AHNAK2: variants seen among roughly 807,000 people sequenced by gnomAD.
AHNAK2 encodes the protein protein AHNAK2.
AHNAK2 carries 18 observed loss-of-function variants against 30.7 expected under a neutral mutation model. The ratio of observed to expected loss-of-function variants is 0.59; its 90% CI spans 0.41 to 0.87. AHNAK2 has a LOEUF of 0.87. Among genes scored for constraint, AHNAK2 ranks in the 40% least tolerant of loss-of-function variants. The pLI, the probability that AHNAK2 is intolerant of heterozygous loss-of-function variation, is 0.00. For missense variants in AHNAK2, 8,604 were observed against 7,373.0 expected, an observed-to-expected ratio of 1.17 and a Z score of -6.11; for synonymous variants, 3,590 against 3,073.8, an observed-to-expected ratio of 1.17 and a Z score of -5.56.
rs776889394 is a variant in AHNAK2, at chr14:104,938,474, A to G, written c.16977T>C (p.Asp5659=). ...CATTTTTGGAATCAACACCTGTCTC[A>G]TCAACAGAAGAGGAAAACCCAATGT... ...LPNIGFSSSV[D]ETGVDSKNDV... The change falls in exon 7 of 7, where the codon GAT becomes GAC. Residue 5659 remains aspartate (D), a synonymous_variant. Transcript: ENST00000333244. 53 of 1,613,628 alleles carry G rather than the reference A, an allele frequency of 3.3e-5. 1 individual carries two copies. The highest frequency in any genetic ancestry group is 4.3e-5 in the Non-Finnish European group (51 of 1,179,728).
At position 104,945,275 on chromosome 14, in the gene AHNAK2, G is replaced by A. The variant is rs1185077099; in HGVS notation, c.10176C>T (p.Pro3392=). Residue 3392 remains proline, a synonymous_variant, in exon 7 of 7, where the codon CCC becomes CCT. Coordinates refer to ENST00000333244, the MANE Select transcript of AHNAK2 (RefSeq NM_138420.4). ...PEGAGLKGHL[P]KVEMPSFKMP... ...TCTTGAAACTGGGCATCTCCACCTT[G>A]GGCAGGTGCCCTTTGAGGCCAGCTC... 6.2e-7 allele frequency: 1 copy of A among 1,612,818 alleles called. No homozygotes were observed. The highest frequency in any genetic ancestry group is 2.2e-5 in the East Asian group (1 of 44,776).
intron 1 of AHNAK2, among the ~76,000 whole-genome samples, chr14:104,971,762 A>G (rs1352599392): frequency 3.9e-5 from 6 of 152,220 alleles, no homozygotes; most frequent in Non-Finnish European, 8.8e-5. Context: ...GCAGGACTCA[A>G]CCAGCTGTGC....
intron 1 of AHNAK2, among the ~76,000 whole-genome samples, chr14:104,968,796 TCA>T (rs1240021368): frequency 1.3e-5 from 2 of 152,188 alleles, no homozygotes; most frequent in Non-Finnish European, 2.9e-5. Context: ...ACGTGTGTGC[TCA>T]CAGGATGTAC....
rs904394226 is a variant in AHNAK2, at chr14:104,940,908, G to A, written c.14543C>T (p.Pro4848Leu). The stretch of plus-strand genomic sequence containing the variant: ...AGAAACAGGAATCATGGAATTCAGT[G>A]GGCCAGAGTGACTCTCAGCTTGAGA... ...PTSQAESHSG[P>L]LNSMIPVSLG... Residue 4848 changes from proline to leucine, a missense_variant, in exon 7 of 7, where the codon CCA becomes CTA. Physicochemically the swap from Pro to Leu is moderately conservative, Grantham distance 98 (BLOSUM62 -3). Transcript: ENST00000333244. This position sits in a 1 kb window ranked among gnomAD's most constrained non-coding sequence, Gnocchi z 4.4. 12 of 1,612,414 alleles carry A rather than the reference G, an allele frequency of 7.4e-6. No individual in the cohort carries two copies. Among genetic ancestry groups the A allele is most frequent in the Admixed American group, 1.7e-5 (1 of 59,864 alleles).
rs543372409 is a variant in AHNAK2 at position 104,954,933 on chromosome 14, G to T, written c.651+24C>A. 1.3e-6 allele frequency: 2 copies of T among 1,592,478 alleles called. No individual in the cohort carries two copies. The highest frequency in any genetic ancestry group is 1.7e-5 in the Admixed American group (1 of 57,296). ...GGGTAGTGAAGCCAGCTGGGGCCCT[G>T]CCCCCCGGGCATAGTGGTCTCACCT... On this transcript the variant is annotated intron_variant, in intron 6 of 6. Transcript: ENST00000333244. This position sits in a 1 kb window ranked among gnomAD's most constrained non-coding sequence, Gnocchi z 4.3.
Position 104,944,363 on chromosome 14 carries a change from C to T in AHNAK2, c.11088G>A (p.Lys3696=), listed in dbSNP as rs187174071. Residue 3696 remains lysine (K), a synonymous_variant, in exon 7 of 7, where the codon AAG becomes AAA. Coordinates refer to ENST00000333244, the MANE Select transcript of AHNAK2 (RefSeq NM_138420.4). Reference sequence around the variant, plus strand: ...TCACATCCATCTGGCCAGCCTGGACCTTCAGGTCGGCAGAAGGGGGCTGAA... The same window carrying T: ...TCACATCCATCTGGCCAGCCTGGACTTTCAGGTCGGCAGAAGGGGGCTGAA... ...LSIQPPSADL[K]VQAGQMDVKL... The T allele has an allele frequency of 2.6e-4, 414 of 1,612,764 alleles. 3 individuals are homozygous for T. The Admixed American group carries it at 6.8e-3, about 26-fold the overall frequency.
At position 104,942,327 on chromosome 14, in the gene AHNAK2, G is replaced by C. The variant is rs370864540; in HGVS notation, c.13124C>G (p.Ala4375Gly). The C allele has an allele frequency of 1.2e-6, 2 of 1,613,128 alleles. No individual in the cohort carries two copies. Among genetic ancestry groups the C allele is most frequent in the Non-Finnish European group, 1.7e-6 (2 of 1,179,798 alleles). ...KLPEGPVHEG[A>G]GLKGHLPKLQ... Reference sequence around the variant, plus strand: ...CTTCGGCAGGTGCCCTTTGAGGCCGGCTCCCTCATGCACAGGGCCCTCTGG... The same window carrying C: ...CTTCGGCAGGTGCCCTTTGAGGCCGCCTCCCTCATGCACAGGGCCCTCTGG... Residue 4375 changes from alanine (A) to glycine (G), a missense_variant, in exon 7 of 7, where the codon GCC becomes GGC. By Grantham distance (60) the Ala-to-Gly change is moderately conservative. Coordinates refer to ENST00000333244, the MANE Select transcript of AHNAK2 (RefSeq NM_138420.4).
In AHNAK2 at chr14:104,945,742, G is replaced by T. The variant is rs1415547693; in HGVS notation, c.9709C>A (p.Pro3237Thr). The T allele has an allele frequency of 6.3e-7, 1 of 1,597,856 alleles. No individual in the cohort carries two copies. Among genetic ancestry groups the T allele is most frequent in the East Asian group, 2.2e-5 (1 of 44,684 alleles). ...PKLQMPSFKM[P>T]KVDRKGPQID... ...TGGGGGCCCTTGCGATCTACTTTGGGCATCTTGAAACTGGGCATCTGCAAC... is the reference window on the plus strand; with the variant it reads ...TGGGGGCCCTTGCGATCTACTTTGGTCATCTTGAAACTGGGCATCTGCAAC... Residue 3237 changes from proline (P) to threonine (T), a missense_variant, in exon 7 of 7, where the codon CCC becomes ACC. Physicochemically the swap from Pro to Thr is conservative, Grantham distance 38. Transcript: ENST00000333244.
At position 104,938,561 on chromosome 14, in the gene AHNAK2, G is replaced by A. The variant is rs1212968653; in HGVS notation, c.16890C>T (p.Gly5630=). 6.2e-7 allele frequency: 1 copy of A among 1,613,280 alleles called. No homozygotes were observed. Among genetic ancestry groups the A allele is most frequent in the East Asian group, 2.2e-5 (1 of 44,888 alleles). ...QEATTPLADE[G]RAPKDKPESK... The stretch of plus-strand genomic sequence containing the variant: ...TTTCTGGTTTGTCTTTTGGAGCCCT[G>A]CCTTCATCTGCCAGTGGTGTGGTTG... The change falls in exon 7 of 7, where the codon GGC becomes GGT. Residue 5630 remains glycine, a synonymous_variant. Coordinates refer to ENST00000333244, the MANE Select transcript of AHNAK2 (RefSeq NM_138420.4).
chr14:104,956,498 C>T, intron 4 of AHNAK2, 90 bp downstream of exon 4: 1 of 1,355,836 alleles, frequency 7.4e-7, no homozygotes, highest in Non-Finnish European at 1.1e-6. Flanking sequence ...CCTCTTTGCT[C>T]CTCCCCTGCC....
Position 104,945,339 on chromosome 14 carries a change from T to A in AHNAK2, c.10112A>T (p.Gln3371Leu). The A allele has an allele frequency of 6.2e-7, 1 of 1,612,756 alleles. No individual in the cohort carries two copies. Among genetic ancestry groups the A allele is most frequent in the Non-Finnish European group, 8.5e-7 (1 of 1,179,550 alleles). Reference protein sequence around the residue: ...PSVDLEVQAGQVDVKLPEGHV... With the variant: ...PSVDLEVQAGLVDVKLPEGHV... ...GCCCTCCGGGAGCTTCACGTCCACCTGGCCAGCCTGGACCTCCAGGTCCAC... is the reference window on the plus strand; with the variant it reads ...GCCCTCCGGGAGCTTCACGTCCACCAGGCCAGCCTGGACCTCCAGGTCCAC... Residue 3371 changes from glutamine to leucine, a missense_variant, in exon 7 of 7, where the codon CAG (glutamine) becomes CTG (leucine). Gln to Leu is a moderately radical substitution (Grantham distance 113). Coordinates refer to ENST00000333244, the MANE Select transcript of AHNAK2 (RefSeq NM_138420.4).
chr14:104,938,888 T>G lies in AHNAK2; in HGVS notation c.16563A>C (p.Leu5521Phe). ...IQTPSYGFSLLKVKIPEPHTQ... is the reference protein window; with the variant it reads ...IQTPSYGFSLFKVKIPEPHTQ... ...TGTGGGGCTCTGGGATTTTCACTTT[T>G]AATAAGGAAAATCCGTACGAAGGTG... The change falls in exon 7 of 7, where the codon TTA (leucine) becomes TTC (phenylalanine). Residue 5521 changes from leucine to phenylalanine, a missense_variant. By Grantham distance (22) the Leu-to-Phe change is conservative. Transcript: ENST00000333244. 1 of 1,613,794 alleles carries G rather than the reference T, an allele frequency of 6.2e-7. No homozygotes were observed. Among genetic ancestry groups the G allele is most frequent in the Non-Finnish European group, 8.5e-7 (1 of 1,179,880 alleles).
In AHNAK2 at chr14:104,949,943, A is replaced by T. The variant is rs200758735; in HGVS notation, c.5508T>A (p.Ser1836=). The change falls in exon 7 of 7, where the codon TCT becomes TCA. Residue 1836 remains serine, a synonymous_variant. Coordinates refer to ENST00000333244, the MANE Select transcript of AHNAK2 (RefSeq NM_138420.4). ...AGGCCTCGATGGACTTGCCTGGGGCAGACACCCCGAACGACGGCATCTTGA... is the reference window on the plus strand; with the variant it reads ...AGGCCTCGATGGACTTGCCTGGGGCTGACACCCCGAACGACGGCATCTTGA... ...PKFKMPSFGV[S]APGKSIEASV... is the part of the protein sequence containing the mutation. The T allele has an allele frequency of 1.3e-3, 1,992 of 1,576,980 alleles. 94 individuals are homozygous for T. In the East Asian group the frequency reaches 0.023, roughly 18 times the overall value.
chr14:104,954,655 A>G lies in AHNAK2; in HGVS notation c.796T>C (p.Ser266Pro), dbSNP rs369134167. The change falls in exon 7 of 7, where the codon TCC (serine) becomes CCC (proline). Residue 266 changes from serine to proline, a missense_variant. Transcript: ENST00000333244. This position sits in a 1 kb window ranked among gnomAD's most constrained non-coding sequence, Gnocchi z 4.3. ...RERLSWPKFQ[S>P]IKSKRGPGPQ... ...CCCGGCCCCCGCTTGCTCTTTATGG[A>G]TTGAAATTTTGGCCAAGAGAGCCTC... The G allele has an allele frequency of 3.7e-5, 60 of 1,612,430 alleles. No individual in the cohort carries two copies. In the African/African-American group the frequency reaches 7.0e-4, roughly 19 times the overall value.
rs1390586150 is a variant in AHNAK2, at chr14:104,947,245, T to A, written c.8206A>T (p.Met2736Leu). The change falls in exon 7 of 7, where the codon ATG becomes TTG. Residue 2736 changes from methionine to leucine, a missense_variant. By Grantham distance (15) the Met-to-Leu change is conservative. Coordinates refer to ENST00000333244, the MANE Select transcript of AHNAK2 (RefSeq NM_138420.4). ...GLKGHLPKLQ[M>L]PSFKMPEVDL... The stretch of plus-strand genomic sequence containing the variant: ...ACTTCAGGCATCTTGAAACTGGGCA[T>A]CTGCAGCTTGGGCAGGTGCCCTTTG... 1 of 1,611,318 alleles carries A rather than the reference T, an allele frequency of 6.2e-7. No homozygotes were observed.
chr14:104,959,948 A>G (rs1764339988), intron 1 of AHNAK2, among the ~76,000 whole-genome samples: 1 of 152,238 alleles, frequency 6.6e-6, no homozygotes, highest in East Asian at 1.9e-4. Flanking sequence ...AAAAGGCAAT[A>G]TAGTGGATAT....
chr14:104,955,187 C>T (rs766585903), intron 5 of AHNAK2, 46 bp from the exon 6 acceptor site: 14 of 1,562,454 alleles, frequency 9.0e-6, no homozygotes, highest in South Asian at 4.7e-5. Context: ...GTGAATGAGA[C>T]GGGGTCTGCT....
At position 104,948,782 on chromosome 14, in the gene AHNAK2, C is replaced by T; in HGVS notation, c.6669G>A (p.Glu2223=). Residue 2223 remains glutamate (E), a synonymous_variant, in exon 7 of 7, where the codon GAG becomes GAA. Transcript: ENST00000333244. ...QAGQVDVKLL[E]GPVPEEVGLK... ...GGCCGACTTCCTCGGGCACAGGGCC[C>T]TCCAGGAGTTTCACGTCCACCTGGC... is the stretch of plus-strand genomic sequence containing the variant. The T allele has an allele frequency of 1.2e-6, 2 of 1,612,436 alleles. No individual in the cohort carries two copies. Among genetic ancestry groups the T allele is most frequent in the South Asian group, 1.1e-5 (1 of 91,052 alleles).
chr14:104,954,136 T>C lies in AHNAK2; in HGVS notation c.1315A>G (p.Arg439Gly), dbSNP rs1488407816. Residue 439 changes from arginine (R) to glycine (G), a missense_variant, in exon 7 of 7, where the codon AGG (arginine) becomes GGG (glycine). Physicochemically the swap from Arg to Gly is moderately radical, Grantham distance 125 (BLOSUM62 -2). Transcript: ENST00000333244. This position sits in a 1 kb window ranked among gnomAD's most constrained non-coding sequence, Gnocchi z 4.3. ...QETAVAQRKP[R>G]AQPTPGMSRE... The stretch of plus-strand genomic sequence containing the variant: ...CTCATTCCAGGAGTTGGCTGGGCCC[T>C]GGGCTTCCTCTGGGCCACTGCTGTC... 1.2e-6 allele frequency: 2 copies of C among 1,611,202 alleles called. No individual in the cohort carries two copies. Among genetic ancestry groups the C allele is most frequent in the African/African-American group, 1.3e-5 (1 of 74,922 alleles).
Sources: gnomAD v4.1 joint callset for allele counts (sites outside exome capture counted in the v4.1 genomes callset) on GRCh38, gnomAD v4.1.1 for gene constraint, Gnocchi (gnomAD v3.1) non-coding constraint, MANE v1.5 for transcripts, NCBI Gene and HGNC (gene_info 2026-07-23, HGNC 2026-07-21) for gene names.